MOCOS: variants seen among roughly 807,000 people sequenced by gnomAD.
MOCOS encodes molybdenum cofactor sulfurase, also known as human molybdenum cofactor sulfurase.
A neutral mutation model predicts 83.6 loss-of-function variants in MOCOS; 86 were observed. That is an observed-to-expected ratio of 1.03 (90% CI 0.86 to 1.23). MOCOS has a LOEUF of 1.23. Ranked by LOEUF, MOCOS falls within the 50% of genes most tolerant of loss-of-function variation. MOCOS has a pLI of 0.00. For missense variants in MOCOS, 1,120 were observed against 1,126.9 expected (o/e 0.99, Z 0.09); for synonymous variants, 445 against 434.7 (o/e 1.02, Z -0.29).
At chr18:36,254,555 G>A (rs1051765305) in intron 11 of MOCOS, among the ~76,000 whole-genome samples, 1 of 149,632 alleles carries the variant, frequency 6.7e-6, no homozygotes, top group South Asian at 2.1e-4. Context: ...TCCTTTAATA[G>A]TCAGTTTTAT....
intron 9 of MOCOS, among the ~76,000 whole-genome samples, chr18:36,243,268 T>C (rs1001875637): frequency 6.6e-5 from 10 of 152,198 alleles, no homozygotes; most frequent in African/African-American, 2.2e-4. Context: ...CCTTTATTTC[T>C]TTCTCTTGTC....
At chr18:36,218,022 A>C (rs1296258987) in intron 8 of MOCOS, among the ~76,000 whole-genome samples, 1 of 152,190 alleles carries the variant, frequency 6.6e-6, no homozygotes, top group African/African-American at 2.4e-5. Flanking sequence ...CCATTAGTTT[A>C]GGATCTCACC....
At chr18:36,214,400 G>C (rs1350083435) in intron 7 of MOCOS, among the ~76,000 whole-genome samples, 1 of 152,092 alleles carries the variant, frequency 6.6e-6, no homozygotes, top group African/African-American at 2.4e-5. Context: ...CCCTTACCTG[G>C]TTCAGCCCTC....
intron 13 of MOCOS, among the ~76,000 whole-genome samples, chr18:36,264,834 G>A (rs2091676221): frequency 6.6e-6 from 1 of 152,056 alleles, no homozygotes; most frequent in Non-Finnish European, 1.5e-5. Context: ...TTTTTCTGAG[G>A]TGTGATTATT....
At chr18:36,246,224 C>G (rs886895632) in intron 9 of MOCOS, among the ~76,000 whole-genome samples, 3 of 152,122 alleles carry the variant, frequency 2.0e-5, no homozygotes, top group African/African-American at 4.8e-5. Flanking sequence ...ACCAGAATGA[C>G]TTTTCTGGTT....
rs576142879 is a variant in MOCOS, at chr18:36,189,079, C to T, written c.142+1398C>T. Among the ~76,000 whole-genome samples the T allele has an allele frequency of 6.7e-5, 10 of 149,526 alleles. No individual in the cohort carries two copies. In the South Asian group the frequency reaches 2.2e-3, roughly 32 times the overall value. On this transcript the variant is annotated intron_variant, in intron 1 of 14. Coordinates refer to ENST00000261326, the MANE Select transcript of MOCOS (RefSeq NM_017947.4). ...AGTAATTATATCAGCACCGCACCTCCTTAATCCCCTAAATCTCCTCCAGCT... is the reference window on the plus strand; with the variant it reads ...AGTAATTATATCAGCACCGCACCTCTTTAATCCCCTAAATCTCCTCCAGCT...
At chr18:36,243,332 A>C (rs967293194) in intron 9 of MOCOS, among the ~76,000 whole-genome samples, 3 of 152,086 alleles carry the variant, frequency 2.0e-5, no homozygotes, top group African/African-American at 7.2e-5. Context: ...GCGTTGCTGG[A>C]TTTTGTTAAA....
chr18:36,248,924 A>G lies in MOCOS; in HGVS notation c.1963A>G (p.Met655Val), dbSNP rs2091612257. 2 of 1,613,602 alleles carry G rather than the reference A, an allele frequency of 1.2e-6. No homozygotes were observed. The highest frequency in any genetic ancestry group is 1.7e-6 in the Non-Finnish European group (2 of 1,179,570). Residue 655 changes from methionine (M) to valine (V), a missense_variant and splice_region_variant, in exon 10 of 15, where the codon ATG becomes GTG. By Grantham distance (21) the Met-to-Val change is conservative. Coordinates refer to ENST00000261326, the MANE Select transcript of MOCOS (RefSeq NM_017947.4). ...TGTTTTTAACCTTTGTTCATTAGGG[A>G]TGGAGCCTATAGAGGTGCCTCTTGA... ...QRIMVIKAKG[M>V]EPIEVPLEEN... is the part of the protein sequence containing the mutation.
intron 4 of MOCOS, among the ~76,000 whole-genome samples, chr18:36,201,385 C>T (rs935393786): frequency 7.2e-5 from 11 of 151,994 alleles, no homozygotes; most frequent in East Asian, 1.9e-4. Context: ...AATATTGGGT[C>T]GGGTGTGGTG....
chr18:36,239,867 T>C (rs1440849633), intron 9 of MOCOS, among the ~76,000 whole-genome samples: 12 of 152,120 alleles, frequency 7.9e-5, no homozygotes, highest in Admixed American at 5.2e-4. Context: ...TTTTCCTTCT[T>C]GCTTCATTTC....
At chr18:36,190,107 T>C (rs2091359235) in intron 1 of MOCOS, 1 of 152,222 alleles carries the variant, frequency 6.6e-6, no homozygotes, top group Non-Finnish European at 1.5e-5. Flanking sequence ...TCTTCTCCAA[T>C]AGCTACTTGG....
chr18:36,257,534 C>T lies in MOCOS; in HGVS notation c.2270+461C>T, dbSNP rs189040734. The stretch of plus-strand genomic sequence containing the variant: ...GCAGGCACACTTTATTTGAAAGATG[C>T]ACCACAGATGGAATTAGCACCCCTC... On this transcript the variant is annotated intron_variant, in intron 12 of 14. Coordinates refer to ENST00000261326, the MANE Select transcript of MOCOS (RefSeq NM_017947.4). Among the ~76,000 whole-genome samples, 226 of 152,258 alleles carry T rather than the reference C, an allele frequency of 1.5e-3. 2 individuals are homozygous for T. The highest frequency in any genetic ancestry group is 2.1e-3 in the Non-Finnish European group (140 of 68,022).
At position 36,237,418 on chromosome 18, in the gene MOCOS, A is replaced by G. The variant is rs1598585828; in HGVS notation, c.1961-11504A>G. 2.0e-5 allele frequency among the ~76,000 whole-genome samples: 3 copies of G among 152,206 alleles called. No homozygotes were observed. The South Asian group carries it at 6.2e-4, about 32-fold the overall frequency. ...GTGGTTTTTGTCTGTGGCTCTGTTT[A>G]TATGCTGGATTACATTTATTGATTT... is the stretch of plus-strand genomic sequence containing the variant. On this transcript the variant is annotated intron_variant, in intron 9 of 14. Coordinates refer to ENST00000261326, the MANE Select transcript of MOCOS (RefSeq NM_017947.4).
Position 36,199,939 on chromosome 18 carries a change from T to G in MOCOS, c.556T>G (p.Ser186Ala). Reference protein sequence around the residue: ...DLWSAEERSASASNPDCQLPH... With the variant: ...DLWSAEERSAAASNPDCQLPH... ...GTGGTCTGCAGAGGAACGTAGTGCTTCAGCCAGCAACCCAGACTGCCAGCT... is the reference window on the plus strand; with the variant it reads ...GTGGTCTGCAGAGGAACGTAGTGCTGCAGCCAGCAACCCAGACTGCCAGCT... Residue 186 changes from serine to alanine, a missense_variant, in exon 4 of 15, where the codon TCA (serine) becomes GCA (alanine). Coordinates refer to ENST00000261326, the MANE Select transcript of MOCOS (RefSeq NM_017947.4). 6.2e-7 allele frequency: 1 copy of G among 1,614,206 alleles called. No homozygotes were observed. Among genetic ancestry groups the G allele is most frequent in the East Asian group, 2.2e-5 (1 of 44,872 alleles).
At chr18:36,214,419 C>T (rs144964493) in intron 7 of MOCOS, among the ~76,000 whole-genome samples, 243 of 152,122 alleles carry the variant, frequency 1.6e-3, no homozygotes, top group Non-Finnish European at 2.8e-3. Context: ...TCCTGAGGTA[C>T]GGCCTCCAAG....
intron 4 of MOCOS, among the ~76,000 whole-genome samples, chr18:36,201,674 A>AAAAAAAAAAAG (rs1205619664): frequency 0.022 from 3,293 of 147,504 alleles, 207 homozygotes; most frequent in African/African-American, 0.076. Flanking sequence ...AAAAAAAAAA[A>AAAAAAAAAAAG]AAAAAGAAAT....
rs569394676 is a variant in MOCOS at position 36,195,250 on chromosome 18, C to A, written c.143-7C>A. 2.5e-5 allele frequency: 40 copies of A among 1,613,404 alleles called. No individual in the cohort carries two copies. The South Asian group carries it at 4.2e-4, about 17-fold the overall frequency. Reference sequence around the variant, plus strand: ...AATTTTAGTATTTATTTTGTGTTTTCTTTCAGGAACTGTCTATCTTGACCA... The same window carrying A: ...AATTTTAGTATTTATTTTGTGTTTTATTTCAGGAACTGTCTATCTTGACCA... On this transcript the variant is annotated splice_region_variant and splice_polypyrimidine_tract_variant and intron_variant, in intron 1 of 14. Transcript: ENST00000261326.
chr18:36,219,187 TA>T (rs937003657), intron 8 of MOCOS, among the ~76,000 whole-genome samples: 14 of 149,942 alleles, frequency 9.3e-5, no homozygotes, highest in African/African-American at 3.5e-4. Context: ...ATTATTATTT[TA>T]TTTTATTTTT....
At chr18:36,266,067 C>A (rs2091680646) in intron 13 of MOCOS, among the ~76,000 whole-genome samples, 1 of 152,144 alleles carries the variant, frequency 6.6e-6, no homozygotes, top group Non-Finnish European at 1.5e-5. Flanking sequence ...TGTGAAGTTG[C>A]TGGGTCAGCG....
Sources: gnomAD v4.1 joint callset for allele counts (sites outside exome capture counted in the v4.1 genomes callset) on GRCh38, gnomAD v4.1.1 for gene constraint, MANE v1.5 for transcripts, NCBI Gene and HGNC (gene_info 2026-07-23, HGNC 2026-07-21) for gene names.